Variants in SLAIN2 observed in about 807,000 individuals in gnomAD.
SLAIN2 encodes the protein SLAIN family member 2.
A neutral mutation model predicts 56.6 loss-of-function variants in SLAIN2; 31 were observed. The ratio of observed to expected loss-of-function variants is 0.55; its 90% CI spans 0.41 to 0.74. The LOEUF (loss-of-function observed/expected upper bound fraction) is 0.74. SLAIN2 is among the 30% of genes least tolerant of loss of function. The pLI is 0.00. For missense variants in SLAIN2, 777 were observed against 754.2 expected (o/e 1.03, Z -0.35); for synonymous variants, 317 against 284.9 (o/e 1.11, Z -1.13).
rs1393963199 is a variant in SLAIN2 at position 48,423,787 on chromosome 4, G to A, written c.*1710G>A. ...AAGAAACTTTATCCTTGAATTTGAG[G>A]GTGATGGGGTGGGTCAGGAAAGGAT... On this transcript the variant is annotated 3_prime_UTR_variant, in exon 8 of 8. Coordinates refer to ENST00000264313, the MANE Select transcript of SLAIN2 (RefSeq NM_020846.2). 6.6e-6 allele frequency: 1 copy of A among 152,066 alleles called. No homozygotes were observed. Among genetic ancestry groups the A allele is most frequent in the East Asian group, 1.9e-4 (1 of 5,182 alleles). 9.4% of individuals were successfully genotyped at this position (152,066 alleles called of 1,614,324 possible). A position where few individuals can be genotyped will look rare whatever the true frequency, so the allele number is the denominator to read the frequency against.
At chr4:48,411,249 C>T (rs559775524) in intron 6 of SLAIN2, among the ~76,000 whole-genome samples, 1 of 152,178 alleles carries the variant, frequency 6.6e-6, no homozygotes, top group East Asian at 1.9e-4. Context: ...CACTACTTCC[C>T]TAGAGATGGT....
chr4:48,362,335 A>C (rs1449520240), intron 1 of SLAIN2, among the ~76,000 whole-genome samples: 1 of 151,910 alleles, frequency 6.6e-6, no homozygotes, highest in Non-Finnish European at 1.5e-5. Flanking sequence ...ATGTGAAAAC[A>C]TGTGGACTTG....
intron 1 of SLAIN2, among the ~76,000 whole-genome samples, chr4:48,356,089 A>T (rs2109739590): frequency 6.6e-6 from 1 of 152,342 alleles, no homozygotes; most frequent in East Asian, 1.9e-4. Flanking sequence ...TTAAGTTGAC[A>T]AACTATTAAA....
intron 6 of SLAIN2, among the ~76,000 whole-genome samples, chr4:48,390,590 T>G (rs1465341531): frequency 6.6e-6 from 1 of 152,294 alleles, no homozygotes; most frequent in Middle Eastern, 3.4e-3. Flanking sequence ...TATTCTTCTA[T>G]TGAAATTGTA....
At chr4:48,343,650 T>C (rs1714785840) in intron 1 of SLAIN2, among the ~76,000 whole-genome samples, 1 of 151,954 alleles carries the variant, frequency 6.6e-6, no homozygotes, top group African/African-American at 2.4e-5. Context: ...GAGGAGGAGG[T>C]GGCTTGGAGT....
chr4:48,367,845 A>G (rs1171121097), intron 1 of SLAIN2, among the ~76,000 whole-genome samples: 1 of 152,148 alleles, frequency 6.6e-6, no homozygotes, highest in Non-Finnish European at 1.5e-5. Flanking sequence ...TAGTGTATTT[A>G]CAATGATCAA....
At position 48,379,834 on chromosome 4, in the gene SLAIN2, G is replaced by A. The variant is rs1577722704; in HGVS notation, c.848G>A (p.Arg283Gln). The A allele has an allele frequency of 5.8e-6, 9 of 1,549,620 alleles. No individual in the cohort carries two copies. The highest frequency in any genetic ancestry group is 7.8e-6 in the Non-Finnish European group (9 of 1,154,938). Residue 283 changes from arginine (R) to glutamine (Q), a missense_variant, in exon 4 of 8, where the codon CGG becomes CAG. Physicochemically the swap from Arg to Gln is conservative, Grantham distance 43. Coordinates refer to ENST00000264313, the MANE Select transcript of SLAIN2 (RefSeq NM_020846.2). ...GTAACTGATGTACAGATTCTAGCCC[G>A]GATGCAGGAAGAAAGTAAGTATTCT... ...NDVTDVQILARMQEESLRQEY... is the reference protein window; with the variant it reads ...NDVTDVQILAQMQEESLRQEY...
chr4:48,420,898 A>G (rs1393996886), intron 7 of SLAIN2, among the ~76,000 whole-genome samples: 1 of 152,206 alleles, frequency 6.6e-6, no homozygotes, highest in African/African-American at 2.4e-5. Context: ...TGAGATTTAT[A>G]TAAATGTAGG....
intron 6 of SLAIN2, among the ~76,000 whole-genome samples, chr4:48,404,988 T>A (rs1023241493): frequency 2.0e-5 from 3 of 152,260 alleles, no homozygotes; most frequent in African/African-American, 7.2e-5. Flanking sequence ...AAAGTATTTC[T>A]CTCCATATCT....
At position 48,363,177 on chromosome 4, in the gene SLAIN2, G is replaced by T. The variant is rs1380409873; in HGVS notation, c.390-6672G>T. 7.6e-4 allele frequency among the ~76,000 whole-genome samples: 31 copies of T among 40,782 alleles called. 2 individuals are homozygous for T. The highest frequency in any genetic ancestry group is 2.0e-3 in the African/African-American group (26 of 12,996). 26.8% of individuals were successfully genotyped at this position (40,782 alleles called of 152,430 possible). A position where few individuals can be genotyped will look rare whatever the true frequency, so the allele number is the denominator to read the frequency against. ...TGTCTACTTCTTTCTACACAGACAC[G>T]GCAACCATCCGATTTCTCAATCTTT... is the stretch of plus-strand genomic sequence containing the variant. On this transcript the variant is annotated intron_variant, in intron 1 of 7. Coordinates refer to ENST00000264313, the MANE Select transcript of SLAIN2 (RefSeq NM_020846.2).
chr4:48,390,651 A>G (rs1284729688), intron 6 of SLAIN2, among the ~76,000 whole-genome samples: 1 of 152,230 alleles, frequency 6.6e-6, no homozygotes, highest in South Asian at 2.1e-4. Context: ...TTATAATACA[A>G]AAATAGACAA....
chr4:48,421,694 G>A (rs1378497141), intron 7 of SLAIN2, among the ~76,000 whole-genome samples: 1 of 151,748 alleles, frequency 6.6e-6, no homozygotes, highest in East Asian at 1.9e-4. Context: ...TCATCATTCT[G>A]CCTCTCAAAA....
intron 1 of SLAIN2, among the ~76,000 whole-genome samples, chr4:48,345,095 C>A (rs185546379): frequency 6.6e-6 from 1 of 152,288 alleles, no homozygotes; most frequent in Non-Finnish European, 1.5e-5. Flanking sequence ...AATCTCTCTC[C>A]AAGCATCAAA....
chr4:48,342,454 C>T (rs554344793), intron 1 of SLAIN2, among the ~76,000 whole-genome samples: 6 of 152,264 alleles, frequency 3.9e-5, no homozygotes, highest in Non-Finnish European at 7.4e-5. Context: ...GCTTTGTAGG[C>T]AGGGATCCTG....
At chr4:48,412,385 CA>C in intron 6 of SLAIN2, among the ~76,000 whole-genome samples, 1 of 74,434 alleles carries the variant, frequency 1.3e-5, no homozygotes, top group Admixed American at 1.3e-4. Flanking sequence ...CACACACACA[CA>C]CACACACACA....
chr4:48,371,379 G>A (rs968834518), intron 2 of SLAIN2, among the ~76,000 whole-genome samples: 9 of 151,948 alleles, frequency 5.9e-5, no homozygotes, highest in Admixed American at 5.9e-4. Context: ...GGCCAAAGAA[G>A]CACTTTTGAA....
chr4:48,423,952 G>A lies in SLAIN2; in HGVS notation c.*1875G>A, dbSNP rs566575674. 7.9e-5 allele frequency: 12 copies of A among 152,060 alleles called. No homozygotes were observed. In the South Asian group the frequency reaches 1.9e-3, roughly 24 times the overall value. The allele number at this position is 152,060 out of a possible 1,614,324, so 9.4% of individuals were successfully genotyped here. ...AGCTACTGTCTCTTTTAAAAACCACGTACAAAACAGAACAAGTCTCAGTTT... is the reference window on the plus strand; with the variant it reads ...AGCTACTGTCTCTTTTAAAAACCACATACAAAACAGAACAAGTCTCAGTTT... On this transcript the variant is annotated 3_prime_UTR_variant, in exon 8 of 8. Coordinates refer to ENST00000264313, the MANE Select transcript of SLAIN2 (RefSeq NM_020846.2).
intron 2 of SLAIN2, among the ~76,000 whole-genome samples, chr4:48,373,196 G>A (rs900296667): frequency 2.0e-5 from 3 of 152,052 alleles, no homozygotes; most frequent in Non-Finnish European, 4.4e-5. Context: ...GTACAGTCCT[G>A]TGGCATTAAG....
Position 48,420,207 on chromosome 4 carries a change from T to C in SLAIN2, c.1443T>C (p.His481=). The C allele has an allele frequency of 6.2e-7, 1 of 1,613,978 alleles. No homozygotes were observed. Among genetic ancestry groups the C allele is most frequent in the Non-Finnish European group, 8.5e-7 (1 of 1,179,870 alleles). The change falls in exon 7 of 8, where the codon CAT becomes CAC. Residue 481 remains histidine (H), a synonymous_variant. Coordinates refer to ENST00000264313, the MANE Select transcript of SLAIN2 (RefSeq NM_020846.2). ...AACCAGTGAAAGCATTTAGTAACCA[T>C]GGCTCTGGTTCTCCTGGTAGCCAAG... ...LRQPVKAFSN[H]GSGSPGSQEI...
Sources: allele counts gnomAD v4.1 joint callset (sites outside exome capture counted in the v4.1 genomes callset), GRCh38; gene constraint gnomAD v4.1.1; transcripts MANE v1.5; gene names NCBI Gene and HGNC (gene_info 2026-07-23, HGNC 2026-07-21).